ALDH1A1: variants seen among roughly 807,000 people sequenced by gnomAD.
ALDH1A1 encodes aldehyde dehydrogenase 1A1.
A neutral mutation model predicts 62.1 loss-of-function variants in ALDH1A1; 19 were observed. That is an observed-to-expected ratio of 0.31 (90% CI 0.21 to 0.45). ALDH1A1 has a LOEUF of 0.45. ALDH1A1 is among the 20% of genes least tolerant of loss of function. The probability of loss-of-function intolerance (pLI) is 1.00; values close to 1 mark genes in which losing one functional copy is unlikely to be tolerated. For synonymous variants in ALDH1A1, 231 were observed against 215.9 expected, an observed-to-expected ratio of 1.07 and a Z score of -0.61; for missense variants, 521 against 607.1, an observed-to-expected ratio of 0.86 and a Z score of 1.49.
chr9:72,908,115 G>T (rs1829899335), intron 11 of ALDH1A1, among the ~76,000 whole-genome samples: 1 of 151,740 alleles, frequency 6.6e-6, no homozygotes, highest in Admixed American at 6.6e-5. Context: ...GAGAACCACA[G>T]CCTTAGAATA....
chr9:72,901,105 A>G lies in ALDH1A1; in HGVS notation c.*103T>C, dbSNP rs1829797364. The G allele has an allele frequency of 1.2e-6, 1 of 813,808 alleles. No homozygotes were observed. The highest frequency in any genetic ancestry group is 1.9e-6 in the Non-Finnish European group (1 of 526,352). 50.4% of individuals were successfully genotyped at this position (813,808 alleles called of 1,614,324 possible). A position where few individuals can be genotyped will look rare whatever the true frequency, so the allele number is the denominator to read the frequency against. ...CTAATATGATTTAGCTTATGTTTAA[A>G]AAAATCAAGAAAAGAAAAATTTTGT... On this transcript the variant is annotated 3_prime_UTR_variant, in exon 13 of 13. Coordinates refer to ENST00000297785, the MANE Select transcript of ALDH1A1 (RefSeq NM_000689.5).
At position 72,927,170 on chromosome 9, in the gene ALDH1A1, AT is replaced by A; in HGVS notation, c.449del (p.Asn150IlefsTer31). 6.2e-7 allele frequency: 1 copy of A among 1,602,380 alleles called. No individual in the cohort carries two copies. The highest frequency in any genetic ancestry group is 8.5e-7 in the Non-Finnish European group (1 of 1,174,540). On this transcript the variant is annotated frameshift_variant, in exon 5 of 13. Transcript: ENST00000297785. LOFTEE classifies it high-confidence loss of function. ...GTTCATGTCTTGTATATGTAAAAAA[AT>A]TTCCATCTGAAAAATAAAACACACA... is the stretch of plus-strand genomic sequence containing the variant. The part of the protein sequence containing the change: ...IQGRTIPIDG[N>X]FFTYTRHEPI...
chr9:72,917,617 C>G (rs1251673680), intron 8 of ALDH1A1, among the ~76,000 whole-genome samples: 1 of 152,066 alleles, frequency 6.6e-6, no homozygotes, highest in Non-Finnish European at 1.5e-5. Flanking sequence ...AACACTAATA[C>G]TCAGAATCAC....
chr9:72,931,111 T>TG, intron 2 of ALDH1A1, 92 bp from the exon 3 acceptor site: 3 of 1,423,452 alleles, frequency 2.1e-6, no homozygotes, highest in Non-Finnish European at 2.9e-6. Flanking sequence ...CTGTAGTGCC[T>TG]CATAAGCAGG....
At chr9:72,950,965 G>C (rs1021321461) in intron 1 of ALDH1A1, among the ~76,000 whole-genome samples, 3 of 151,818 alleles carry the variant, frequency 2.0e-5, no homozygotes, top group Admixed American at 6.6e-5. Context: ...CACCCATTTA[G>C]ATTTAATTAC....
intron 4 of ALDH1A1, among the ~76,000 whole-genome samples, chr9:72,928,671 A>T (rs897178302): frequency 2.0e-5 from 3 of 152,244 alleles, no homozygotes; most frequent in Non-Finnish European, 4.4e-5. Context: ...TAAAATATCT[A>T]TAATGTTATC....
intron 2 of ALDH1A1, among the ~76,000 whole-genome samples, chr9:72,933,606 A>G (rs1053586209): frequency 1.0e-5 from 1 of 96,850 alleles, no homozygotes. Context: ...AAAAAAAAAA[A>G]AAAAAAAGAA....
At chr9:72,949,409 A>G (rs1588147053) in intron 1 of ALDH1A1, among the ~76,000 whole-genome samples, 2 of 151,796 alleles carry the variant, frequency 1.3e-5, no homozygotes, top group Non-Finnish European at 2.9e-5. Context: ...TTGACCTTAG[A>G]CAAGTCTCTT....
At position 72,918,756 on chromosome 9, in the gene ALDH1A1, C is replaced by T; in HGVS notation, c.814G>A (p.Gly272Arg). The change falls in exon 8 of 13, where the codon GGA becomes AGA. Residue 272 changes from glycine (G) to arginine (R), a missense_variant. Physicochemically the swap from Gly to Arg is moderately radical, Grantham distance 125. Coordinates refer to ENST00000297785, the MANE Select transcript of ALDH1A1 (RefSeq NM_000689.5). ...NLKRVTLELGGKSPCIVLADA... is the reference protein window; with the variant it reads ...NLKRVTLELGRKSPCIVLADA... ...GCTAACACAATGCAAGGGCTCTTTC[C>T]TCCAAGCTCCAGGGTCACCCTCTTC... 1 of 1,613,584 alleles carries T rather than the reference C, an allele frequency of 6.2e-7. No homozygotes were observed. Among genetic ancestry groups the T allele is most frequent in the Admixed American group, 1.7e-5 (1 of 59,932 alleles).
intron 1 of ALDH1A1, among the ~76,000 whole-genome samples, chr9:72,943,297 G>C (rs1830438094): frequency 1.3e-5 from 2 of 152,064 alleles, no homozygotes; most frequent in African/African-American, 4.8e-5. Flanking sequence ...ATAATCTGTG[G>C]TTTCAAGTTC....
intron 12 of ALDH1A1, among the ~76,000 whole-genome samples, 166 bp downstream of exon 12, chr9:72,905,792 C>T (rs925955279): frequency 6.6e-6 from 1 of 152,054 alleles, no homozygotes; most frequent in African/African-American, 2.4e-5. Context: ...TCACCTTTTG[C>T]ACTTATGGAG....
chr9:72,944,507 A>G (rs1830452891), intron 1 of ALDH1A1, among the ~76,000 whole-genome samples: 1 of 152,022 alleles, frequency 6.6e-6, no homozygotes, highest in Non-Finnish European at 1.5e-5. Context: ...TAGGAGCTTT[A>G]CATTGGGCAT....
chr9:72,931,141 C>T (rs544600814), intron 2 of ALDH1A1, 122 bp from the exon 3 acceptor site: 5 of 1,027,944 alleles, frequency 4.9e-6, no homozygotes, highest in East Asian at 2.5e-5. Context: ...TCCATTATCC[C>T]AAAGTCTAAC....
chr9:72,949,785 G>A (rs142554759), intron 1 of ALDH1A1, among the ~76,000 whole-genome samples: 1,718 of 149,552 alleles, frequency 0.011, 14 homozygotes, highest in African/African-American at 0.027. Context: ...ACATTTTGGC[G>A]TTTGAATTCT....
chr9:72,910,473 G>T (rs1463288730), intron 10 of ALDH1A1, among the ~76,000 whole-genome samples: 1 of 152,002 alleles, frequency 6.6e-6, no homozygotes, highest in Non-Finnish European at 1.5e-5. Flanking sequence ...GGCTATAATT[G>T]CAGGACAGAA....
At chr9:72,929,805 A>C (rs1182899646) in intron 3 of ALDH1A1, among the ~76,000 whole-genome samples, 1 of 152,170 alleles carries the variant, frequency 6.6e-6, no homozygotes, top group Non-Finnish European at 1.5e-5. Context: ...ATTTAACCAA[A>C]TGTGACTTTT....
intron 1 of ALDH1A1, among the ~76,000 whole-genome samples, chr9:72,940,615 T>C (rs8187896): frequency 0.013 from 2,030 of 152,304 alleles, 22 homozygotes; most frequent in Non-Finnish European, 0.021. Context: ...CTTTAAATTC[T>C]GAACATCCTC....
chr9:72,908,960 T>C (rs1296322506), intron 11 of ALDH1A1, among the ~76,000 whole-genome samples: 3 of 152,170 alleles, frequency 2.0e-5, no homozygotes, highest in African/African-American at 7.2e-5. Context: ...AATATCTGCA[T>C]ACACAAGGGT....
chr9:72,940,561 C>T (rs1830403801), intron 1 of ALDH1A1, among the ~76,000 whole-genome samples: 1 of 152,122 alleles, frequency 6.6e-6, no homozygotes. Context: ...AAAGCAAAGG[C>T]TTTTGTGGGC....
Sources: gnomAD v4.1 joint callset for allele counts (sites outside exome capture counted in the v4.1 genomes callset) on GRCh38, gnomAD v4.1.1 for gene constraint, MANE v1.5 for transcripts, NCBI Gene and HGNC (gene_info 2026-07-23, HGNC 2026-07-21) for gene names.